OTOG: variants seen among roughly 807,000 people sequenced by gnomAD.
The protein encoded by OTOG is otogelin.
A neutral mutation model predicts 313.8 loss-of-function variants in OTOG; 296 were observed. The observed-to-expected ratio is 0.94, with a 90% CI of 0.86 to 1.04. OTOG has a LOEUF of 1.04. Ranked by LOEUF, OTOG falls within the 50% of genes least tolerant of loss-of-function variation. OTOG has a pLI of 0.00. For missense variants in OTOG, 3,948 were observed against 3,840.1 expected, an observed-to-expected ratio of 1.03 and a Z score of -0.74; for synonymous variants, 1,533 against 1,554.9, an observed-to-expected ratio of 0.99 and a Z score of 0.33.
At chr11:17,562,255 A>G (rs1050420025) in intron 15 of OTOG, among the ~76,000 whole-genome samples, 41 of 149,688 alleles carry the variant, frequency 2.7e-4, no homozygotes, top group East Asian at 9.7e-4. Context: ...AAAAAAAAAA[A>G]AAAGAAATGT....
At chr11:17,572,058 T>C in intron 17 of OTOG, 22 bp from the exon 18 acceptor site, 1 of 1,550,246 alleles carries the variant, frequency 6.5e-7, no homozygotes, top group Non-Finnish European at 8.7e-7. Flanking sequence ...AGTGTGTGAA[T>C]ATGGCTGTGA....
intron 3 of OTOG, among the ~76,000 whole-genome samples, 189 bp downstream of exon 3, chr11:17,548,401 G>C (rs1214514015): frequency 1.5e-5 from 2 of 135,428 alleles, no homozygotes; most frequent in African/African-American, 5.8e-5. Flanking sequence ...TAATCTCTTG[G>C]GGGTCTATAG....
At chr11:17,618,285 G>A (rs1853774332) in intron 39 of OTOG, among the ~76,000 whole-genome samples, 1 of 152,038 alleles carries the variant, frequency 6.6e-6, no homozygotes. Flanking sequence ...GATATGCTAT[G>A]TTTTCTTTTT....
At chr11:17,599,961 C>G (rs960629801) in intron 31 of OTOG, among the ~76,000 whole-genome samples, 5 of 152,226 alleles carry the variant, frequency 3.3e-5, no homozygotes, top group Non-Finnish European at 5.9e-5. Flanking sequence ...CAGGGCAGCC[C>G]CACCAGGAAG....
At chr11:17,600,292 G>A (rs1287349481) in intron 31 of OTOG, among the ~76,000 whole-genome samples, 1 of 151,664 alleles carries the variant, frequency 6.6e-6, no homozygotes, top group Non-Finnish European at 1.5e-5. Flanking sequence ...GATTGGGTGG[G>A]TGGGGTAGAG....
intron 31 of OTOG, among the ~76,000 whole-genome samples, chr11:17,601,535 A>T (rs1853249953): frequency 6.6e-6 from 1 of 150,884 alleles, no homozygotes; most frequent in African/African-American, 2.4e-5. Flanking sequence ...TCTGAATTCA[A>T]GCTGGGCTCT....
At chr11:17,551,862 G>A in intron 3 of OTOG, 138 bp from the exon 4 acceptor site, 1 of 701,884 alleles carries the variant, frequency 1.4e-6, no homozygotes, top group Non-Finnish European at 2.5e-6. Flanking sequence ...AGGCGAGGAG[G>A]AGTGGCTGGG....
chr11:17,590,267 T>C (rs1013357543), intron 24 of OTOG, among the ~76,000 whole-genome samples: 5 of 152,128 alleles, frequency 3.3e-5, no homozygotes, highest in Admixed American at 3.3e-4. Context: ...CATCTGATCT[T>C]CCCCCTCAAA....
chr11:17,555,601 C>T (rs1451261382), intron 6 of OTOG, 178 bp from the exon 7 acceptor site: 2 of 561,034 alleles, frequency 3.6e-6, no homozygotes, highest in African/African-American at 3.8e-5. Context: ...CACTTCACCT[C>T]TCTGTGAATC....
At chr11:17,642,074 C>A in intron 52 of OTOG, 53 bp from the exon 53 acceptor site, 2 of 1,516,852 alleles carry the variant, frequency 1.3e-6, no homozygotes, top group Middle Eastern at 1.7e-4. Context: ...TATGGGTTTG[C>A]GCAGGCTGTC....
intron 10 of OTOG, 145 bp downstream of exon 10, chr11:17,558,789 A>G: frequency 2.1e-6 from 2 of 940,602 alleles, no homozygotes; most frequent in South Asian, 3.2e-5. Flanking sequence ...GGTGGGACAG[A>G]GCTGCCCCAT....
intron 21 of OTOG, 88 bp from the exon 22 acceptor site, chr11:17,576,780 T>A: frequency 6.6e-7 from 1 of 1,510,130 alleles, no homozygotes; most frequent in Admixed American, 2.0e-5. Flanking sequence ...CTTTCTGAAC[T>A]CTGCAGTGAC....
At chr11:17,577,680 G>C (rs150025380) in intron 22 of OTOG, among the ~76,000 whole-genome samples, 181 of 151,938 alleles carry the variant, frequency 1.2e-3, no homozygotes, top group African/African-American at 4.1e-3. Flanking sequence ...TTTTCCTTTG[G>C]TCACTTCTGG....
Position 17,622,371 on chromosome 11 carries a change from G to A in OTOG, c.6529-6762G>A, listed in dbSNP as rs150017907. Among the ~76,000 whole-genome samples, 379 of 152,074 alleles carry A rather than the reference G, an allele frequency of 2.5e-3. 1 individual carries two copies. Among genetic ancestry groups the A allele is most frequent in the African/African-American group, 8.5e-3 (353 of 41,502 alleles). On this transcript the variant is annotated intron_variant, in intron 39 of 55. Transcript: ENST00000399397. ...CTCAAACATTTATCCTTTGTGTTAC[G>A]AACAATCTAATTATATACTCATTTA... is the stretch of plus-strand genomic sequence containing the variant.
chr11:17,576,303 T>A (rs1590014383), intron 20 of OTOG, among the ~76,000 whole-genome samples: 1 of 151,966 alleles, frequency 6.6e-6, no homozygotes, highest in Non-Finnish European at 1.5e-5. Context: ...GCTGCAGGAG[T>A]GTGTGGAGAC....
chr11:17,575,580 G>A (rs1012285132), intron 20 of OTOG, among the ~76,000 whole-genome samples: 7 of 152,324 alleles, frequency 4.6e-5, no homozygotes, highest in African/African-American at 1.4e-4. Context: ...GCGACCCCAC[G>A]TGATCTTGGG....
chr11:17,640,994 T>G lies in OTOG; in HGVS notation c.8093T>G (p.Val2698Gly), dbSNP rs924679995. 6.5e-7 allele frequency: 1 copy of G among 1,548,544 alleles called. No individual in the cohort carries two copies. Among genetic ancestry groups the G allele is most frequent in the African/African-American group, 1.4e-5 (1 of 73,120 alleles). ...QTVVELSADG[V>G]CHTSRCTTVL... ...GTGGTGGAGCTCTCAGCAGATGGCG[T>G]GTGCCACACCTCCCGCTGCACCACC... Residue 2698 changes from valine (V) to glycine (G), a missense_variant, in exon 51 of 56, where the codon GTG becomes GGG. By Grantham distance (109) the Val-to-Gly change is moderately radical (BLOSUM62 -3). Coordinates refer to ENST00000399397, the MANE Select transcript of OTOG (RefSeq NM_001292063.2).
chr11:17,561,564 G>T, intron 14 of OTOG, 98 bp from the exon 15 acceptor site: 15 of 1,283,904 alleles, frequency 1.2e-5, no homozygotes, highest in Non-Finnish European at 1.6e-5. Context: ...TCTTATTCTG[G>T]AGGGCAGGGT....
chr11:17,633,623 A>C (rs1854185924), intron 42 of OTOG, 57 bp from the exon 43 acceptor site: 4 of 1,445,874 alleles, frequency 2.8e-6, no homozygotes, highest in Admixed American at 2.6e-5. Context: ...TTCGGCCCTC[A>C]GTGGGGAGCC....
Sources: gnomAD v4.1 joint callset for allele counts (sites outside exome capture counted in the v4.1 genomes callset) on GRCh38, gnomAD v4.1.1 for gene constraint, MANE v1.5 for transcripts, NCBI Gene and HGNC (gene_info 2026-07-23, HGNC 2026-07-21) for gene names.